Variants in GNE observed in about 807,000 individuals in gnomAD.
GNE encodes glucosamine (UDP-N-acetyl)-2-epimerase/N-acetylmannosamine kinase, also known as bifunctional UDP-N-acetylglucosamine 2-epimerase/N-acetylmannosamine kinase.
In GNE, 41 loss-of-function variants were observed where a neutral mutation model predicts 61.8. That is an observed-to-expected ratio of 0.66 (90% CI 0.52 to 0.86). The LOEUF (loss-of-function observed/expected upper bound fraction) is 0.86. GNE is among the 40% of genes least tolerant of loss of function. GNE has a pLI of 0.00. For synonymous variants in GNE, 264 were observed against 326.4 expected, an observed-to-expected ratio of 0.81 and a Z score of 2.06; for missense variants, 608 against 909.1, an observed-to-expected ratio of 0.67 and a Z score of 4.26.
chr9:36,258,919 A>T (rs1356925959), upstream of GNE, among the ~76,000 whole-genome samples: 3 of 152,192 alleles, frequency 2.0e-5, no homozygotes, highest in African/African-American at 7.2e-5. Flanking sequence ...GTGGAGTGTG[A>T]ATTGATGACC....
chr9:36,219,791 C>T, intron 10 of GNE, 47 bp downstream of exon 10: 1 of 1,511,606 alleles, frequency 6.6e-7, no homozygotes, highest in South Asian at 1.1e-5. Context: ...CTTTGAAGTA[C>T]TTGTCTACTA....
upstream of GNE, among the ~76,000 whole-genome samples, chr9:36,262,806 A>G (rs1429537904): frequency 3.3e-5 from 5 of 152,118 alleles, no homozygotes; most frequent in Non-Finnish European, 7.4e-5. Flanking sequence ...CTTGTAACAG[A>G]CTTGTCTTAT....
intron 1 of GNE, among the ~76,000 whole-genome samples, chr9:36,254,276 C>G (rs1830239838): frequency 6.6e-6 from 1 of 151,918 alleles, no homozygotes; most frequent in East Asian, 1.9e-4. Flanking sequence ...CCTGTAATCC[C>G]AGCACTTTGG....
chr9:36,250,510 T>G (rs1830069781), intron 1 of GNE, among the ~76,000 whole-genome samples: 1 of 152,210 alleles, frequency 6.6e-6, no homozygotes, highest in Non-Finnish European at 1.5e-5. Context: ...TCCTTGTCTT[T>G]TCTGTTCTTC....
At chr9:36,229,481 G>A (rs779047883) in intron 5 of GNE, among the ~76,000 whole-genome samples, 9 of 152,118 alleles carry the variant, frequency 5.9e-5, no homozygotes, top group Admixed American at 1.3e-4. Context: ...TCACTTGGCT[G>A]GTCAGGCAGT....
At chr9:36,224,673 C>A (rs2133032160) in intron 7 of GNE, among the ~76,000 whole-genome samples, 1 of 152,066 alleles carries the variant, frequency 6.6e-6, no homozygotes, top group East Asian at 1.9e-4. Context: ...AGTTCAAGAC[C>A]AGCCTGCGCA....
At chr9:36,243,037 G>A (rs1829712636) in intron 3 of GNE, among the ~76,000 whole-genome samples, 1 of 151,992 alleles carries the variant, frequency 6.6e-6, no homozygotes, top group Non-Finnish European at 1.5e-5. Flanking sequence ...ACTGGCACCT[G>A]GCCAAAACTA....
At chr9:36,271,030 G>A (rs1046807240) in intron 1 of GNE, among the ~76,000 whole-genome samples, 1 of 151,954 alleles carries the variant, frequency 6.6e-6, no homozygotes, top group African/African-American at 2.4e-5. Flanking sequence ...CTTTCATCTC[G>A]TTAAGACTTT....
chr9:36,242,555 G>A (rs975598606), intron 3 of GNE, among the ~76,000 whole-genome samples: 1 of 151,946 alleles, frequency 6.6e-6, no homozygotes, highest in Non-Finnish European at 1.5e-5. Context: ...AAGTACCTGG[G>A]ACTACAGGTG....
At chr9:36,268,608 C>T (rs1484564956) in intron 1 of GNE, among the ~76,000 whole-genome samples, 1 of 152,006 alleles carries the variant, frequency 6.6e-6, no homozygotes, top group African/African-American at 2.4e-5. Context: ...GCTGAGGCTG[C>T]AGTGAGCCAT....
Position 36,217,603 on chromosome 9 carries a change from A to G in GNE, c.1934-3T>C, listed in dbSNP as rs751681094. 6 of 1,588,446 alleles carry G rather than the reference A, an allele frequency of 3.8e-6. No individual in the cohort carries two copies. Among genetic ancestry groups the G allele is most frequent in the Non-Finnish European group, 5.2e-6 (6 of 1,156,726 alleles). On this transcript the variant is annotated splice_polypyrimidine_tract_variant and splice_region_variant and intron_variant, in intron 11 of 11. Transcript: ENST00000642385. Reference sequence around the variant, plus strand: ...CCCAAGACCCAAAGCTGTTCCAGCTATAGGGAGACAAAAATTAAAATGAGT... The same window carrying G: ...CCCAAGACCCAAAGCTGTTCCAGCTGTAGGGAGACAAAAATTAAAATGAGT...
chr9:36,232,534 G>A (rs1442289980), intron 5 of GNE, among the ~76,000 whole-genome samples: 1 of 152,048 alleles, frequency 6.6e-6, no homozygotes, highest in Non-Finnish European at 1.5e-5. Flanking sequence ...AGCCACAATA[G>A]CGCTTCCATT....
At chr9:36,227,854 G>A (rs564100521) in intron 6 of GNE, among the ~76,000 whole-genome samples, 19 of 151,950 alleles carry the variant, frequency 1.3e-4, no homozygotes, top group Non-Finnish European at 1.2e-4. Flanking sequence ...TGGCCAACAC[G>A]GTGAAACCCC....
At position 36,217,183 on chromosome 9, in the gene GNE, A is replaced by T; in HGVS notation, c.*182T>A. On this transcript the variant is annotated 3_prime_UTR_variant, in exon 12 of 12. Coordinates refer to ENST00000642385, the MANE Select transcript of GNE (RefSeq NM_005476.7). Reference sequence around the variant, plus strand: ...GAAGACATCAGAAAGAATAGCATCTACAAAAATAGGAGTGGGGAAAGGTGA... The same window carrying T: ...GAAGACATCAGAAAGAATAGCATCTTCAAAAATAGGAGTGGGGAAAGGTGA... The T allele has an allele frequency of 1.6e-6, 1 of 637,762 alleles. No homozygotes were observed. The highest frequency in any genetic ancestry group is 2.7e-5 in the East Asian group (1 of 36,390). The allele number at this position is 637,762 out of a possible 1,614,324, so 39.5% of individuals were successfully genotyped here. A position where few individuals can be genotyped will look rare whatever the true frequency, so the allele number is the denominator to read the frequency against.
intron 1 of GNE, among the ~76,000 whole-genome samples, chr9:36,266,932 G>A (rs1201276724): frequency 6.6e-6 from 1 of 152,072 alleles, no homozygotes; most frequent in Non-Finnish European, 1.5e-5. Flanking sequence ...ACCGGGTGGT[G>A]GCCCCCGCCT....
intron 9 of GNE, among the ~76,000 whole-genome samples, chr9:36,221,926 C>CCTTGA (rs1283184129): frequency 6.6e-6 from 1 of 152,202 alleles, no homozygotes; most frequent in Admixed American, 6.5e-5. Context: ...CAACAGTCCA[C>CCTTGA]ACTCCCAGTA....
In GNE at chr9:36,215,168, CA is replaced by C. The variant is rs199874473; in HGVS notation, c.*2196del. ...GGTGAAACCCTGTCTACTAAAAATACAAAAAAAAATCAGCCGGGCGTGGTGC... is the reference window on the plus strand; with the variant it reads ...GGTGAAACCCTGTCTACTAAAAATACAAAAAAAATCAGCCGGGCGTGGTGC... On this transcript the variant is annotated 3_prime_UTR_variant, in exon 12 of 12. Coordinates refer to ENST00000642385, the MANE Select transcript of GNE (RefSeq NM_005476.7). 4 of 150,618 alleles carry C rather than the reference CA, an allele frequency of 2.7e-5. No individual in the cohort carries two copies. Among genetic ancestry groups the C allele is most frequent in the South Asian group, 2.1e-4 (1 of 4,770 alleles). 9.3% of individuals were successfully genotyped at this position (150,618 alleles called of 1,614,324 possible). A position where few individuals can be genotyped will look rare whatever the true frequency, so the allele number is the denominator to read the frequency against.
intron 3 of GNE, among the ~76,000 whole-genome samples, chr9:36,239,512 G>A (rs911511362): frequency 6.7e-6 from 1 of 148,592 alleles, no homozygotes; most frequent in African/African-American, 2.5e-5. Flanking sequence ...CACTCTTGTT[G>A]CTCAGGCTGC....
At chr9:36,247,282 C>CGTGA (rs1389912586) in intron 2 of GNE, among the ~76,000 whole-genome samples, 1 of 151,988 alleles carries the variant, frequency 6.6e-6, no homozygotes, top group Non-Finnish European at 1.5e-5. Context: ...GTCTCAATCT[C>CGTGA]TTGACCTCGT....
Sources: allele counts gnomAD v4.1 joint callset (sites outside exome capture counted in the v4.1 genomes callset), GRCh38; gene constraint gnomAD v4.1.1; transcripts MANE v1.5; gene names NCBI Gene and HGNC (gene_info 2026-07-23, HGNC 2026-07-21).